The following DNAH6 variants were observed in gnomAD, a reference collection of about 807,000 sequenced individuals.
DNAH6 encodes the protein axonemal beta dynein heavy chain 6.
In DNAH6, 340 loss-of-function variants were observed where a neutral mutation model predicts 491.4. That is an observed-to-expected ratio of 0.69 (90% CI 0.63 to 0.76). DNAH6 has a LOEUF of 0.76. Ranked by LOEUF, DNAH6 falls within the 30% of genes least tolerant of loss-of-function variation. The pLI, the probability that DNAH6 is intolerant of heterozygous loss-of-function variation, is 0.00. For synonymous variants in DNAH6, 1,603 were observed against 1,686.1 expected, an observed-to-expected ratio of 0.95 and a Z score of 1.21; for missense variants, 4,443 against 4,972.2, an observed-to-expected ratio of 0.89 and a Z score of 3.20.
At chr2:84,502,176 T>G in the DNAH6 span, among the ~76,000 whole-genome samples, 1 of 152,180 alleles carries the variant, frequency 6.6e-6, no homozygotes, top group African/African-American at 2.4e-5. Flanking sequence ...AACGTCCCTC[T>G]TGGTACCGCT....
intron 12 of DNAH6, among the ~76,000 whole-genome samples, chr2:84,575,137 A>C (rs1353273964): frequency 6.6e-6 from 1 of 152,118 alleles, no homozygotes; most frequent in Non-Finnish European, 1.5e-5. Flanking sequence ...TGTTTGCCAG[A>C]GGGTTATAGA....
intron 33 of DNAH6, among the ~76,000 whole-genome samples, chr2:84,643,900 T>G (rs1011154380): frequency 3.0e-5 from 4 of 135,192 alleles, no homozygotes; most frequent in African/African-American, 1.4e-4. Flanking sequence ...CAAATTGTGT[T>G]TTTTTTTGTT....
At chr2:84,713,902 G>C (rs1026369915) in intron 57 of DNAH6, among the ~76,000 whole-genome samples, 1 of 152,110 alleles carries the variant, frequency 6.6e-6, no homozygotes, top group African/African-American at 2.4e-5. Flanking sequence ...TCTTTGAGTG[G>C]AGCTGTGTGA....
chr2:84,473,578 G>C, the DNAH6 span, among the ~76,000 whole-genome samples: 8 of 152,290 alleles, frequency 5.3e-5, no homozygotes, highest in Admixed American at 2.0e-4. Context: ...TTACTGTTAA[G>C]GTTAGAATCA....
intron 70 of DNAH6, among the ~76,000 whole-genome samples, chr2:84,800,912 A>T (rs1329688625): frequency 6.6e-6 from 1 of 151,964 alleles, no homozygotes; most frequent in Admixed American, 6.6e-5. Context: ...AATACTATGC[A>T]GCCATAAAAC....
chr2:84,794,967 G>A (rs1678185188), intron 68 of DNAH6, among the ~76,000 whole-genome samples: 1 of 151,048 alleles, frequency 6.6e-6, no homozygotes, highest in South Asian at 2.1e-4. Flanking sequence ...AGAAAATGTG[G>A]CACATATACA....
At chr2:84,547,031 A>G (rs1215900992) in intron 5 of DNAH6, among the ~76,000 whole-genome samples, 1 of 152,190 alleles carries the variant, frequency 6.6e-6, no homozygotes, top group East Asian at 1.9e-4. Context: ...GAAGACATGT[A>G]TGTGTTTTCA....
At chr2:84,748,987 G>T (rs1176182319) in intron 63 of DNAH6, among the ~76,000 whole-genome samples, 1 of 152,118 alleles carries the variant, frequency 6.6e-6, no homozygotes, top group African/African-American at 2.4e-5. Context: ...AGAGGGGAGA[G>T]AGGCACCAGA....
intron 63 of DNAH6, among the ~76,000 whole-genome samples, chr2:84,755,677 A>G (rs1209883805): frequency 1.3e-5 from 2 of 152,150 alleles, no homozygotes; most frequent in African/African-American, 4.8e-5. Flanking sequence ...CCTACAACAC[A>G]ATGTTGAATA....
At chr2:84,598,131 C>CTATCTTTCT (rs1684812624) in intron 18 of DNAH6, among the ~76,000 whole-genome samples, 1 of 48,770 alleles carries the variant, frequency 2.1e-5, no homozygotes, top group South Asian at 9.3e-4. Context: ...TCTTTCTTTT[C>CTATCTTTCT]TTTCTTTCTT....
Position 84,795,382 on chromosome 2 carries a change from G to A in DNAH6, c.11240-924G>A, listed in dbSNP as rs1678248011. Among the ~76,000 whole-genome samples the A allele has an allele frequency of 2.0e-5, 3 of 152,056 alleles. No homozygotes were observed. In the South Asian group the frequency reaches 6.2e-4, roughly 32 times the overall value. On this transcript the variant is annotated intron_variant, in intron 68 of 76. Coordinates refer to ENST00000389394, the MANE Select transcript of DNAH6 (RefSeq NM_001370.2). ...TTAGTGCATAAATTTATTAGTTTGTGTACATGCTCTGTAAATATTCAATGA... is the reference window on the plus strand; with the variant it reads ...TTAGTGCATAAATTTATTAGTTTGTATACATGCTCTGTAAATATTCAATGA...
intron 40 of DNAH6, among the ~76,000 whole-genome samples, chr2:84,673,342 C>T (rs922291149): frequency 6.6e-6 from 1 of 152,062 alleles, no homozygotes; most frequent in Non-Finnish European, 1.5e-5. Context: ...GAAAGATCCC[C>T]TTGGCTGCAG....
intron 35 of DNAH6, among the ~76,000 whole-genome samples, chr2:84,657,552 T>A (rs1367279135): frequency 6.6e-6 from 1 of 152,074 alleles, no homozygotes; most frequent in East Asian, 1.9e-4. Context: ...ATATTTATAG[T>A]TAATTTATTT....
intron 8 of DNAH6, among the ~76,000 whole-genome samples, chr2:84,549,257 A>G (rs1249308531): frequency 6.6e-6 from 1 of 152,206 alleles, no homozygotes; most frequent in East Asian, 1.9e-4. Context: ...TCTTAACTAT[A>G]TCTCAGTTTA....
chr2:84,723,667 C>T (rs896748774), intron 60 of DNAH6, among the ~76,000 whole-genome samples: 6 of 152,172 alleles, frequency 3.9e-5, no homozygotes, highest in African/African-American at 9.7e-5. Context: ...TCCTTCCCTG[C>T]GCCCACTTCT....
chr2:84,549,826 A>G, intron 8 of DNAH6, 63 bp from the exon 9 acceptor site: 1 of 1,186,916 alleles, frequency 8.4e-7, no homozygotes, highest in Non-Finnish European at 1.2e-6. Flanking sequence ...CTTTAGAGAC[A>G]CTGTCAAAAA....
intron 76 of DNAH6, among the ~76,000 whole-genome samples, chr2:84,817,151 G>A (rs573145420): frequency 1.3e-5 from 2 of 151,124 alleles, no homozygotes; most frequent in East Asian, 3.9e-4. Flanking sequence ...AAGAAACCTA[G>A]ATATACCAAA....
chr2:84,557,181 A>C (rs1357822668), intron 10 of DNAH6, among the ~76,000 whole-genome samples: 1 of 152,160 alleles, frequency 6.6e-6, no homozygotes, highest in Non-Finnish European at 1.5e-5. Flanking sequence ...TTCACACTTC[A>C]AATATAGAAC....
chr2:84,683,887 T>C (rs918557097), intron 42 of DNAH6, among the ~76,000 whole-genome samples: 21 of 152,192 alleles, frequency 1.4e-4, no homozygotes, highest in Non-Finnish European at 2.6e-4. Flanking sequence ...TCTAAGTCAT[T>C]ACCTGTTGTG....
Sources: allele counts gnomAD v4.1 joint callset (sites outside exome capture counted in the v4.1 genomes callset), GRCh38; gene constraint gnomAD v4.1.1; transcripts MANE v1.5; gene names NCBI Gene and HGNC (gene_info 2026-07-23, HGNC 2026-07-21).